Variants in DEPTOR observed in about 807,000 individuals in gnomAD.
DEPTOR encodes DEP domain-containing mTOR-interacting protein.
Under a neutral mutation model 41.6 loss-of-function variants are expected in DEPTOR, and 41 were observed. The ratio of observed to expected loss-of-function variants is 0.98; its 90% CI spans 0.77 to 1.28. The LOEUF is 1.28. Among genes scored for constraint, DEPTOR ranks in the 50% most tolerant of loss-of-function variants. The pLI is 0.00. For missense variants in DEPTOR, 514 were observed against 527.9 expected, an observed-to-expected ratio of 0.97 and a Z score of 0.26; for synonymous variants, 195 against 192.3, an observed-to-expected ratio of 1.01 and a Z score of -0.12.
At chr8:119,956,728 TTTTTTTTTTTTG>T (rs1479144147) in intron 3 of DEPTOR, among the ~76,000 whole-genome samples, 5 of 113,458 alleles carry the variant, frequency 4.4e-5, no homozygotes, top group South Asian at 3.2e-4. Context: ...GGGTTTTTTG[TTTTTTTTTTTTG>T]TTTTTTTTTT....
At chr8:120,030,685 A>C (rs755482010) in intron 8 of DEPTOR, among the ~76,000 whole-genome samples, 1 of 151,406 alleles carries the variant, frequency 6.6e-6, no homozygotes, top group Non-Finnish European at 1.5e-5. Context: ...TTGTATTTTT[A>C]GTAGAGATGG....
At chr8:119,917,429 A>C (rs918481586) in intron 1 of DEPTOR, among the ~76,000 whole-genome samples, 4 of 152,178 alleles carry the variant, frequency 2.6e-5, no homozygotes, top group African/African-American at 9.6e-5. Flanking sequence ...CCTTACCCCC[A>C]ACCCTGTGCT....
intron 8 of DEPTOR, among the ~76,000 whole-genome samples, chr8:120,034,003 G>A (rs1253025417): frequency 6.6e-6 from 1 of 152,048 alleles, no homozygotes; most frequent in African/African-American, 2.4e-5. Flanking sequence ...GGAGGTGGAG[G>A]CTGCAGTGAG....
chr8:119,943,531 C>T (rs1461596465), intron 3 of DEPTOR, among the ~76,000 whole-genome samples: 1 of 152,098 alleles, frequency 6.6e-6, no homozygotes, highest in Non-Finnish European at 1.5e-5. Context: ...CAGTCACCTC[C>T]CACCCAGGTC....
chr8:120,002,981 C>A lies in DEPTOR; in HGVS notation c.795C>A (p.Ser265Arg). 6.4e-7 allele frequency: 1 copy of A among 1,563,608 alleles called. No individual in the cohort carries two copies. Among genetic ancestry groups the A allele is most frequent in the South Asian group, 1.2e-5 (1 of 85,298 alleles). The change falls in exon 6 of 9, where the codon AGC becomes AGA. Residue 265 changes from serine (S) to arginine (R), a missense_variant. Transcript: ENST00000286234. ...NRKSTSFMSV[S>R]PSKEIKIVSA... ...TGTGTTCTCTGGCCTACACAGTGAG[C>A]CCCAGCAAGGAGATCAAGATCGTGT...
intron 1 of DEPTOR, among the ~76,000 whole-genome samples, chr8:119,917,153 C>T (rs1827824825): frequency 6.6e-6 from 1 of 152,084 alleles, no homozygotes; most frequent in Non-Finnish European, 1.5e-5. Flanking sequence ...TTCAAAGTAT[C>T]TTTCTAGAGA....
At chr8:119,946,311 A>T (rs1033460720) in intron 3 of DEPTOR, among the ~76,000 whole-genome samples, 1 of 152,226 alleles carries the variant, frequency 6.6e-6, no homozygotes, top group Non-Finnish European at 1.5e-5. Flanking sequence ...ATTAAATTTT[A>T]ATGATAAAGT....
At chr8:119,884,017 C>A (rs1395460552) in intron 1 of DEPTOR, among the ~76,000 whole-genome samples, 1 of 152,200 alleles carries the variant, frequency 6.6e-6, no homozygotes, top group Non-Finnish European at 1.5e-5. Context: ...TGAACATTCT[C>A]ATAGCCATTC....
At chr8:119,900,223 G>A (rs1379091355) in intron 1 of DEPTOR, among the ~76,000 whole-genome samples, 1 of 149,610 alleles carries the variant, frequency 6.7e-6, no homozygotes, top group Non-Finnish European at 1.5e-5. Context: ...GGGAGGCTGA[G>A]ACAGGAGAAT....
intron 1 of DEPTOR, among the ~76,000 whole-genome samples, chr8:119,898,213 G>A (rs1380370087): frequency 6.6e-6 from 1 of 152,092 alleles, no homozygotes. Context: ...TTTGCTATCT[G>A]GCCCTTCATA....
At position 119,917,729 on chromosome 8, in the gene DEPTOR, A is replaced by C. The variant is rs1441564046; in HGVS notation, c.123-10671A>C. On this transcript the variant is annotated intron_variant, in intron 1 of 8. Transcript: ENST00000286234. ...CAACACCCGTAAAGGGTCTGTGCTG[A>C]GGAGGATTAGTAAAAGAGGAAGGAA... Among the ~76,000 whole-genome samples the C allele has an allele frequency of 2.0e-5, 3 of 152,268 alleles. No homozygotes were observed. In the East Asian group the frequency reaches 5.8e-4, roughly 29 times the overall value.
At position 119,918,809 on chromosome 8, in the gene DEPTOR, G is replaced by A; in HGVS notation, c.123-9591G>A. Among the ~76,000 whole-genome samples the A allele has an allele frequency of 1.3e-5, 2 of 151,816 alleles. 1 individual carries two copies. The highest frequency in any genetic ancestry group is 2.9e-5 in the Non-Finnish European group (2 of 67,974). ...AGGTTTCTCCATGTTGGTCAGGCTG[G>A]TCTCGAACTCCCAACCTCAGGTGAT... is the stretch of plus-strand genomic sequence containing the variant. On this transcript the variant is annotated intron_variant, in intron 1 of 8. Coordinates refer to ENST00000286234, the MANE Select transcript of DEPTOR (RefSeq NM_022783.4).
chr8:119,911,607 C>T (rs1827744521), intron 1 of DEPTOR, among the ~76,000 whole-genome samples: 2 of 152,178 alleles, frequency 1.3e-5, no homozygotes, highest in South Asian at 4.1e-4. Flanking sequence ...CCTGAGCCAC[C>T]GTGCCTGGCC....
chr8:119,928,679 A>T, intron 2 of DEPTOR, 101 bp downstream of exon 2: 4 of 1,317,118 alleles, frequency 3.0e-6, no homozygotes, highest in South Asian at 3.2e-5. Context: ...GCTTTATTTT[A>T]TCTCCAGTGT....
intron 1 of DEPTOR, among the ~76,000 whole-genome samples, chr8:119,894,786 T>C (rs566235303): frequency 6.6e-6 from 1 of 152,310 alleles, no homozygotes; most frequent in South Asian, 2.1e-4. Flanking sequence ...ATCCTGGGAA[T>C]TGGACTTTCA....
At chr8:119,894,113 G>C (rs558183321) in intron 1 of DEPTOR, among the ~76,000 whole-genome samples, 2 of 152,248 alleles carry the variant, frequency 1.3e-5, no homozygotes, top group African/African-American at 4.8e-5. Flanking sequence ...TTGTTGCCCA[G>C]GCTGAAATGC....
At chr8:119,951,328 G>A in intron 3 of DEPTOR, among the ~76,000 whole-genome samples, 1 of 152,170 alleles carries the variant, frequency 6.6e-6, no homozygotes, top group South Asian at 2.1e-4. Context: ...ACCGAGGTTT[G>A]AATTGTTTTG....
chr8:119,927,495 G>A (rs1332863325), intron 1 of DEPTOR, among the ~76,000 whole-genome samples: 1 of 151,084 alleles, frequency 6.6e-6, no homozygotes, highest in Non-Finnish European at 1.5e-5. Context: ...TTTGCTCTGT[G>A]TTGTATTTCT....
chr8:120,019,829 C>T (rs190166369), intron 8 of DEPTOR, among the ~76,000 whole-genome samples: 7 of 152,242 alleles, frequency 4.6e-5, no homozygotes, highest in African/African-American at 1.4e-4. Flanking sequence ...TTTCCCAGAT[C>T]GAGTTGCCCT....
Sources: allele counts gnomAD v4.1 joint callset (sites outside exome capture counted in the v4.1 genomes callset), GRCh38; gene constraint gnomAD v4.1.1; transcripts MANE v1.5; gene names NCBI Gene and HGNC (gene_info 2026-07-23, HGNC 2026-07-21).